The following SPATA6 variants were observed in gnomAD, a reference collection of about 807,000 sequenced individuals.
SPATA6 encodes spermatogenesis associated 6, also known as spermatogenesis-associated protein 6.
In SPATA6, 56 loss-of-function variants were observed where a neutral mutation model predicts 65.3. That is an observed-to-expected ratio of 0.86 (90% CI 0.69 to 1.07). The LOEUF is 1.07. Among genes scored for constraint, SPATA6 ranks in the 50% least tolerant of loss-of-function variants. The probability of loss-of-function intolerance (pLI) is 0.00; values close to 1 mark genes in which losing one functional copy is unlikely to be tolerated. For synonymous variants in SPATA6, 199 were observed against 213.2 expected (o/e 0.93, Z 0.58); for missense variants, 590 against 594.8 (o/e 0.99, Z 0.08).
At chr1:48,428,523 C>G (rs1654055999) in intron 3 of SPATA6, among the ~76,000 whole-genome samples, 2 of 151,914 alleles carry the variant, frequency 1.3e-5, no homozygotes, top group South Asian at 4.2e-4. Context: ...TATTAAGAAA[C>G]TAGGGAAAAA....
Position 48,391,090 on chromosome 1 carries a change from C to A in SPATA6, c.868+4177G>T, listed in dbSNP as rs191538534. On this transcript the variant is annotated intron_variant, in intron 8 of 12. Transcript: ENST00000371847. The stretch of plus-strand genomic sequence containing the variant: ...TAAAAAAGTGAGAAGGACATCCGGA[C>A]ACGGTGCCTGATACTTGTAATCCCA... 9.2e-5 allele frequency among the ~76,000 whole-genome samples: 14 copies of A among 151,516 alleles called. No individual in the cohort carries two copies. The East Asian group carries it at 2.7e-3, about 29-fold the overall frequency.
the SPATA6 span, among the ~76,000 whole-genome samples, chr1:48,281,002 A>C: frequency 6.6e-6 from 1 of 152,144 alleles, no homozygotes; most frequent in African/African-American, 2.4e-5. Context: ...AGTGGGCTTC[A>C]TCCCTGGGAT....
the SPATA6 span, among the ~76,000 whole-genome samples, chr1:48,273,563 C>G: frequency 2.0e-5 from 3 of 152,078 alleles, no homozygotes; most frequent in African/African-American, 7.2e-5. Flanking sequence ...CATTGTTCAA[C>G]TCCCACATAT....
chr1:48,279,508 CA>C, the SPATA6 span, among the ~76,000 whole-genome samples: 6 of 151,550 alleles, frequency 4.0e-5, no homozygotes, highest in African/African-American at 1.5e-4. Flanking sequence ...AAATGGAAAA[CA>C]AAAAAAGGCA....
In SPATA6 at chr1:48,413,140, C is replaced by G. The variant is rs1477539630; in HGVS notation, c.250G>C (p.Val84Leu). 2 of 1,419,130 alleles carry G rather than the reference C, an allele frequency of 1.4e-6. No individual in the cohort carries two copies. Among genetic ancestry groups the G allele is most frequent in the Non-Finnish European group, 1.8e-6 (2 of 1,084,510 alleles). 87.9% of individuals were successfully genotyped at this position (1,419,130 alleles called of 1,614,324 possible). A position where few individuals can be genotyped will look rare whatever the true frequency, so the allele number is the denominator to read the frequency against. Residue 84 changes from valine to leucine, a missense_variant, in exon 4 of 13, where the codon GTG becomes CTG. Physicochemically the swap from Val to Leu is conservative, Grantham distance 32. Transcript: ENST00000371847. ...VVTQLEYDTA[V>L]FELIQLVPPV... is the part of the protein sequence containing the mutation. ...GGAACTAGCTGTATCAACTCGAACA[C>G]TGCTGTATCATCTAAAAGTTTAAAG...
intron 10 of SPATA6, 36 bp from the exon 11 acceptor site, chr1:48,355,805 A>G: frequency 6.6e-7 from 1 of 1,517,200 alleles, no homozygotes; most frequent in Non-Finnish European, 9.1e-7. Context: ...TTTGTTACTA[A>G]AATCAGGTAA....
chr1:48,461,870 T>C (rs2148187827), intron 1 of SPATA6, among the ~76,000 whole-genome samples: 1 of 152,324 alleles, frequency 6.6e-6, no homozygotes, highest in African/African-American at 2.4e-5. Flanking sequence ...CTATAAACCA[T>C]GCTGCTGTAA....
the SPATA6 span, among the ~76,000 whole-genome samples, chr1:48,269,538 G>C: frequency 6.6e-6 from 1 of 152,064 alleles, no homozygotes; most frequent in African/African-American, 2.4e-5. Flanking sequence ...AAGGTATTAT[G>C]ATAAGGCCTA....
chr1:48,355,545 T>C (rs377224614), intron 11 of SPATA6, 125 bp downstream of exon 11: 1 of 643,392 alleles, frequency 1.6e-6, no homozygotes, highest in East Asian at 2.8e-5. Context: ...CTGACTTCCA[T>C]CAAATGGAGC....
At chr1:48,274,295 T>G in the SPATA6 span, among the ~76,000 whole-genome samples, 1 of 152,214 alleles carries the variant, frequency 6.6e-6, no homozygotes, top group African/African-American at 2.4e-5. Flanking sequence ...GTAGGTTGCC[T>G]GTTCACTCTG....
At chr1:48,331,360 A>G (rs1167004388) in intron 11 of SPATA6, among the ~76,000 whole-genome samples, 2 of 152,056 alleles carry the variant, frequency 1.3e-5, no homozygotes, top group African/African-American at 2.4e-5. Flanking sequence ...CAGAAAAAAT[A>G]GCCAGTATAC....
At chr1:48,287,375 G>A in the SPATA6 span, among the ~76,000 whole-genome samples, 1 of 152,202 alleles carries the variant, frequency 6.6e-6, no homozygotes, top group Non-Finnish European at 1.5e-5. Context: ...TTCAATATGA[G>A]ATTTGTGGGA....
At chr1:48,435,794 C>G (rs777135385) in intron 3 of SPATA6, among the ~76,000 whole-genome samples, 1 of 152,178 alleles carries the variant, frequency 6.6e-6, no homozygotes, top group Admixed American at 6.5e-5. Flanking sequence ...CGCCCCTCCG[C>G]GAGCAGGGCT....
the SPATA6 span, among the ~76,000 whole-genome samples, chr1:48,284,257 T>C: frequency 6.6e-6 from 1 of 152,212 alleles, no homozygotes; most frequent in African/African-American, 2.4e-5. Flanking sequence ...GAAGTTCTCA[T>C]GCTGTGTTTT....
intron 11 of SPATA6, among the ~76,000 whole-genome samples, chr1:48,334,533 C>A (rs1166842754): frequency 6.6e-6 from 1 of 152,000 alleles, no homozygotes; most frequent in African/African-American, 2.4e-5. Flanking sequence ...AAAACAAAAA[C>A]CATATGATTA....
intron 3 of SPATA6, among the ~76,000 whole-genome samples, chr1:48,444,576 C>T (rs1039082829): frequency 6.6e-6 from 1 of 152,130 alleles, no homozygotes. Context: ...GTAAAATGGA[C>T]CAATCAGCAC....
intron 5 of SPATA6, 23 bp downstream of exon 5, chr1:48,411,441 T>A: frequency 1.3e-6 from 2 of 1,594,900 alleles, no homozygotes; most frequent in South Asian, 2.3e-5. Flanking sequence ...CAAAAACTGA[T>A]TCAGAAAATT....
intron 9 of SPATA6, among the ~76,000 whole-genome samples, chr1:48,378,078 C>T (rs1248795138): frequency 6.6e-6 from 1 of 152,108 alleles, no homozygotes; most frequent in Non-Finnish European, 1.5e-5. Context: ...AAAGTATCCT[C>T]AATTTAACTG....
chr1:48,423,525 C>T (rs1458143605), intron 3 of SPATA6, among the ~76,000 whole-genome samples: 12 of 147,160 alleles, frequency 8.2e-5, no homozygotes, highest in Non-Finnish European at 3.0e-5. Context: ...AGGGGCAAAA[C>T]AGAACTTTTA....
Sources: gnomAD v4.1 joint callset for allele counts (sites outside exome capture counted in the v4.1 genomes callset) on GRCh38, gnomAD v4.1.1 for gene constraint, MANE v1.5 for transcripts, NCBI Gene and HGNC (gene_info 2026-07-23, HGNC 2026-07-21) for gene names.